RGS22: variants seen among roughly 807,000 people sequenced by gnomAD.
RGS22 encodes regulator of G-protein signaling 22.
A neutral mutation model predicts 172.9 loss-of-function variants in RGS22; 148 were observed. The ratio of observed to expected loss-of-function variants is 0.86; its 90% CI spans 0.75 to 0.98. The LOEUF (loss-of-function observed/expected upper bound fraction) is 0.98, where lower values mean the gene tolerates loss of function less well. Among genes scored for constraint, RGS22 ranks in the 50% least tolerant of loss-of-function variants. The pLI is 0.00. For synonymous variants in RGS22, 458 were observed against 480.2 expected (o/e 0.95, Z 0.60); for missense variants, 1,347 against 1,440.8 (o/e 0.93, Z 1.05).
chr8:99,973,489 G>T (rs1270717498), intron 23 of RGS22, among the ~76,000 whole-genome samples: 1 of 152,116 alleles, frequency 6.6e-6, no homozygotes, highest in Non-Finnish European at 1.5e-5. Context: ...ACAGGGAGGG[G>T]AACATCACAC....
intron 14 of RGS22, among the ~76,000 whole-genome samples, chr8:100,035,307 A>G (rs1266645487): frequency 3.3e-5 from 5 of 152,244 alleles, no homozygotes; most frequent in Non-Finnish European, 7.3e-5. Flanking sequence ...GAATATGAAC[A>G]GACACTTCTC....
At chr8:100,094,340 A>G (rs552184232) in intron 2 of RGS22, among the ~76,000 whole-genome samples, 22 of 108,940 alleles carry the variant, frequency 2.0e-4, no homozygotes, top group African/African-American at 1.0e-3. Context: ...TCACAATATG[A>G]CACAATGCTA....
At chr8:100,098,105 G>C (rs938287853) in intron 2 of RGS22, among the ~76,000 whole-genome samples, 1 of 152,094 alleles carries the variant, frequency 6.6e-6, no homozygotes, top group African/African-American at 2.4e-5. Flanking sequence ...GTCTGGAGTA[G>C]TGGTCATCTA....
At chr8:100,089,392 G>C (rs1812401183) in intron 3 of RGS22, among the ~76,000 whole-genome samples, 1 of 152,068 alleles carries the variant, frequency 6.6e-6, no homozygotes, top group African/African-American at 2.4e-5. Flanking sequence ...GCTGGCCGTG[G>C]TTCTGCACTC....
chr8:99,961,693 A>C (rs1057113407), intron 27 of RGS22, among the ~76,000 whole-genome samples: 1 of 152,154 alleles, frequency 6.6e-6, no homozygotes, highest in African/African-American at 2.4e-5. Flanking sequence ...TGTGAGCAGG[A>C]GTGTCAGCAA....
intron 2 of RGS22, among the ~76,000 whole-genome samples, chr8:100,098,847 TTATTTTATTATTTTATTTATTTTATTTTA>T (rs1563732501): frequency 0.055 from 7,678 of 139,368 alleles, 570 homozygotes; most frequent in African/African-American, 0.12. Context: ...ATTTTTTTAT[TTATTTTATTATTTTATTTATTTTATTTTA>T]TTTTATTTTA....
rs897978124 is a variant in RGS22, at chr8:99,960,952, C to T, written c.*290G>A. The T allele has an allele frequency of 9.5e-6, 2 of 210,442 alleles. No individual in the cohort carries two copies. Among genetic ancestry groups the T allele is most frequent in the Admixed American group, 5.5e-5 (1 of 18,038 alleles). The allele number at this position is 210,442 out of a possible 1,614,324, so 13.0% of individuals were successfully genotyped here. A position where few individuals can be genotyped will look rare whatever the true frequency, so the allele number is the denominator to read the frequency against. The stretch of plus-strand genomic sequence containing the variant: ...AGCAAAACATTTTGGTTCTTCAAAC[C>T]TAGATAGTAGTTGTTTTATTCTAAA... On this transcript the variant is annotated 3_prime_UTR_variant, in exon 28 of 28. Transcript: ENST00000360863.
intron 14 of RGS22, among the ~76,000 whole-genome samples, chr8:100,015,817 G>T (rs73274978): frequency 0.032 from 4,830 of 152,102 alleles, 228 homozygotes; most frequent in African/African-American, 0.1. Flanking sequence ...CCTTTCCCAG[G>T]TTACTGTCTG....
chr8:100,055,364 C>A (rs1039676219), intron 9 of RGS22, among the ~76,000 whole-genome samples: 3 of 152,148 alleles, frequency 2.0e-5, no homozygotes, highest in Non-Finnish European at 4.4e-5. Flanking sequence ...GAGGATTCTC[C>A]CAGATATTGT....
chr8:100,036,467 A>G (rs1819485769), intron 14 of RGS22, among the ~76,000 whole-genome samples: 1 of 152,206 alleles, frequency 6.6e-6, no homozygotes, highest in Non-Finnish European at 1.5e-5. Context: ...TATTTCTGCA[A>G]TAGTTCATGG....
chr8:99,998,771 C>A (rs986662766), intron 19 of RGS22, among the ~76,000 whole-genome samples: 2 of 152,120 alleles, frequency 1.3e-5, no homozygotes, highest in African/African-American at 2.4e-5. Flanking sequence ...CTCCTTCAGC[C>A]TTCCAAGTAG....
Position 99,999,259 on chromosome 8 carries a change from T to C in RGS22, c.2949+3A>G, listed in dbSNP as rs1008312725. The C allele has an allele frequency of 1.2e-5, 20 of 1,612,058 alleles. No individual in the cohort carries two copies. The highest frequency in any genetic ancestry group is 1.7e-5 in the Non-Finnish European group (20 of 1,179,274). On this transcript the variant is annotated splice_donor_region_variant and intron_variant, in intron 19 of 27. Transcript: ENST00000360863. ...TATCAAAAGATTATACTAATTTATA[T>C]ACCTTTATCTTCTGACGTGCTGCAA...
intron 3 of RGS22, among the ~76,000 whole-genome samples, chr8:100,093,000 T>C (rs754653457): frequency 3.3e-5 from 5 of 152,216 alleles, no homozygotes; most frequent in Non-Finnish European, 7.3e-5. Context: ...GTCCTTATTA[T>C]CTCTGTCAAA....
intron 2 of RGS22, among the ~76,000 whole-genome samples, chr8:100,098,881 AT>A (rs1321232585): frequency 0.017 from 510 of 30,714 alleles, 19 homozygotes; most frequent in African/African-American, 0.064. Flanking sequence ...ATTTTATTTT[AT>A]TTTATTTTAT....
intron 14 of RGS22, among the ~76,000 whole-genome samples, chr8:100,022,539 A>G (rs1021222464): frequency 6.6e-6 from 1 of 152,202 alleles, no homozygotes; most frequent in African/African-American, 2.4e-5. Flanking sequence ...ACAAGCACAC[A>G]GAAAAAAAAG....
At chr8:100,087,245 C>T (rs1812232186) in intron 3 of RGS22, among the ~76,000 whole-genome samples, 1 of 152,136 alleles carries the variant, frequency 6.6e-6, no homozygotes, top group Non-Finnish European at 1.5e-5. Context: ...AACCTTAAAT[C>T]ATATAACAGG....
chr8:99,999,084 A>G (rs1814701526), intron 19 of RGS22, among the ~76,000 whole-genome samples, 178 bp downstream of exon 19: 1 of 151,292 alleles, frequency 6.6e-6, no homozygotes, highest in Non-Finnish European at 1.5e-5. Flanking sequence ...GCTTGAGCAC[A>G]GGAGTTCGAG....
Position 99,987,530 on chromosome 8 carries a change from T to C in RGS22, c.3108A>G (p.Gln1036=), listed in dbSNP as rs1385844418. 1.2e-6 allele frequency: 2 copies of C among 1,611,846 alleles called. No individual in the cohort carries two copies. The highest frequency in any genetic ancestry group is 1.3e-5 in the African/African-American group (1 of 74,854). ...AATCTCCTTTTAGAGCCACAAAACG[T>C]TGAAATTGTCTTGAAGTAACTGGAT... ...LLNPVTSRQF[Q]RFVALKGDLL... is the part of the protein sequence containing the mutation. The change falls in exon 21 of 28, where the codon CAA becomes CAG. Residue 1036 remains glutamine (Q), a synonymous_variant. Coordinates refer to ENST00000360863, the MANE Select transcript of RGS22 (RefSeq NM_015668.5).
At chr8:99,986,400 A>G (rs1366136988) in intron 21 of RGS22, among the ~76,000 whole-genome samples, 1 of 152,202 alleles carries the variant, frequency 6.6e-6, no homozygotes, top group East Asian at 1.9e-4. Context: ...GTCATATAAT[A>G]TATAGTTATA....
Sources: allele counts gnomAD v4.1 joint callset (sites outside exome capture counted in the v4.1 genomes callset), GRCh38; gene constraint gnomAD v4.1.1; transcripts MANE v1.5; gene names NCBI Gene and HGNC (gene_info 2026-07-23, HGNC 2026-07-21).